CDH6: variants seen among roughly 807,000 people sequenced by gnomAD.
CDH6 encodes cadherin 6.
Under a neutral mutation model 78.0 loss-of-function variants are expected in CDH6, and 31 were observed. The ratio of observed to expected loss-of-function variants is 0.40; its 90% CI spans 0.30 to 0.54. CDH6 has a LOEUF of 0.54. Ranked by LOEUF, CDH6 falls within the 20% of genes least tolerant of loss-of-function variation. The pLI, the probability that CDH6 is intolerant of heterozygous loss-of-function variation, is 0.56. For synonymous variants in CDH6, 376 were observed against 368.8 expected (o/e 1.02, Z -0.23); for missense variants, 724 against 975.9 (o/e 0.74, Z 3.44).
At chr5:31,269,790 G>C (rs115177796) in intron 2 of CDH6, among the ~76,000 whole-genome samples, 1 of 152,248 alleles carries the variant, frequency 6.6e-6, no homozygotes, top group African/African-American at 2.4e-5. Context: ...TATTTTATGG[G>C]CAGCTAGATA....
At position 31,263,683 on chromosome 5, in the gene CDH6, C is replaced by T. The variant is rs188954047; in HGVS notation, c.-128-3663C>T. ...AATCCATTCATGAGGGCAGAAAGAA[C>T]CCTCACAATCCAATCATGTTTTAAA... On this transcript the variant is annotated intron_variant, in intron 1 of 11. Transcript: ENST00000265071. Among the ~76,000 whole-genome samples the T allele has an allele frequency of 3.9e-3, 597 of 152,206 alleles. 6 individuals carry two copies. Among genetic ancestry groups the T allele is most frequent in the African/African-American group, 0.014 (575 of 41,530 alleles).
chr5:31,239,062 T>C (rs984115916), intron 1 of CDH6, among the ~76,000 whole-genome samples: 3 of 152,246 alleles, frequency 2.0e-5, no homozygotes, highest in Non-Finnish European at 4.4e-5. Flanking sequence ...GGGCATCTAT[T>C]TCAATGTATC....
intron 1 of CDH6, among the ~76,000 whole-genome samples, chr5:31,221,036 A>G (rs371825441): frequency 1.3e-5 from 2 of 152,146 alleles, no homozygotes; most frequent in Admixed American, 6.5e-5. Flanking sequence ...TTCAGGGGGG[A>G]GACATTTAAA....
At chr5:31,292,093 C>T (rs1743182268) in intron 2 of CDH6, among the ~76,000 whole-genome samples, 2 of 152,172 alleles carry the variant, frequency 1.3e-5, no homozygotes, top group South Asian at 4.1e-4. Context: ...AGACTCTTTT[C>T]CCATGAGCTG....
At chr5:31,263,563 A>T (rs919359061) in intron 1 of CDH6, among the ~76,000 whole-genome samples, 8 of 150,578 alleles carry the variant, frequency 5.3e-5, no homozygotes, top group African/African-American at 1.5e-4. Flanking sequence ...AATTACAGGC[A>T]TGAGCCACTG....
chr5:31,264,730 A>T (rs1160919849), intron 1 of CDH6, among the ~76,000 whole-genome samples: 1 of 152,222 alleles, frequency 6.6e-6, no homozygotes, highest in Non-Finnish European at 1.5e-5. Flanking sequence ...GCAAGGATGC[A>T]CCCTGTCAAG....
intron 2 of CDH6, among the ~76,000 whole-genome samples, chr5:31,278,136 G>A (rs1742750330): frequency 6.6e-6 from 1 of 152,098 alleles, no homozygotes; most frequent in African/African-American, 2.4e-5. Flanking sequence ...TTGATGCAAT[G>A]GTTTGATATG....
chr5:31,249,040 T>G (rs948427834), intron 1 of CDH6, among the ~76,000 whole-genome samples: 4 of 152,196 alleles, frequency 2.6e-5, no homozygotes, highest in Non-Finnish European at 5.9e-5. Context: ...ATAATAATGA[T>G]GTGAGGTTAT....
intron 7 of CDH6, among the ~76,000 whole-genome samples, chr5:31,307,515 T>G (rs1489726148): frequency 6.6e-6 from 1 of 152,220 alleles, no homozygotes; most frequent in Non-Finnish European, 1.5e-5. Flanking sequence ...GTGAGCTCCA[T>G]GGACCAAGTG....
chr5:31,266,352 A>G (rs1182719904), intron 1 of CDH6, among the ~76,000 whole-genome samples: 3 of 152,148 alleles, frequency 2.0e-5, no homozygotes, highest in Non-Finnish European at 4.4e-5. Flanking sequence ...TACAGTTCTT[A>G]CAGTTGATGG....
intron 1 of CDH6, among the ~76,000 whole-genome samples, chr5:31,236,285 C>T (rs746256765): frequency 1.4e-4 from 21 of 152,140 alleles, no homozygotes; most frequent in Non-Finnish European, 2.6e-4. Flanking sequence ...CAATTATCCT[C>T]ATTGTACTCT....
intron 6 of CDH6, among the ~76,000 whole-genome samples, chr5:31,302,947 GAAAGAAAGAAGGAAAGA>G (rs1561066507): frequency 3.8e-5 from 5 of 129,912 alleles, no homozygotes; most frequent in Non-Finnish European, 6.9e-5. Flanking sequence ...AAGAAAGAAA[GAAAGAAAGAAGGAAAGA>G]AAAGAAAGAA....
chr5:31,205,443 A>G (rs1275323619), intron 1 of CDH6, among the ~76,000 whole-genome samples: 1 of 152,180 alleles, frequency 6.6e-6, no homozygotes, highest in Non-Finnish European at 1.5e-5. Flanking sequence ...CAGGCGTTTT[A>G]TTAAGGTTGG....
chr5:31,305,112 T>C, intron 6 of CDH6, 62 bp from the exon 7 acceptor site: 6 of 1,537,478 alleles, frequency 3.9e-6, no homozygotes, highest in Non-Finnish European at 5.3e-6. Flanking sequence ...GTTTCGTGTC[T>C]TGGCTTTCTG....
rs915286019 is a variant in CDH6 at position 31,302,078 on chromosome 5, A to G, written c.812-33A>G. Reference sequence around the variant, plus strand: ...ATGATGATAAGAGTGTGGTTAGTCTATGTTTGACTTATATCTGTCTGGTGA... The same window carrying G: ...ATGATGATAAGAGTGTGGTTAGTCTGTGTTTGACTTATATCTGTCTGGTGA... On this transcript the variant is annotated intron_variant, in intron 5 of 11. Coordinates refer to ENST00000265071, the MANE Select transcript of CDH6 (RefSeq NM_004932.4). 3.4e-6 allele frequency: 5 copies of G among 1,482,008 alleles called. No homozygotes were observed. In the Admixed American group the frequency reaches 5.3e-5, roughly 16 times the overall value. The allele number at this position is 1,482,008 out of a possible 1,614,324, so 91.8% of individuals were successfully genotyped here. A position where few individuals can be genotyped will look rare whatever the true frequency, so the allele number is the denominator to read the frequency against.
At chr5:31,232,731 T>A (rs1741346245) in intron 1 of CDH6, among the ~76,000 whole-genome samples, 1 of 152,238 alleles carries the variant, frequency 6.6e-6, no homozygotes, top group Admixed American at 6.5e-5. Flanking sequence ...CTTGGAATTA[T>A]TAATTACAAT....
At chr5:31,264,518 T>G (rs1309580040) in intron 1 of CDH6, among the ~76,000 whole-genome samples, 1 of 152,188 alleles carries the variant, frequency 6.6e-6, no homozygotes, top group Non-Finnish European at 1.5e-5. Flanking sequence ...ACCCCAGCAC[T>G]GTTGATCATA....
intron 2 of CDH6, among the ~76,000 whole-genome samples, chr5:31,272,699 C>G (rs562423183): frequency 7.9e-5 from 12 of 152,336 alleles, no homozygotes; most frequent in African/African-American, 2.9e-4. Flanking sequence ...TCCATTTTAT[C>G]TTCCACAATG....
chr5:31,248,799 C>T (rs1290566474), intron 1 of CDH6, among the ~76,000 whole-genome samples: 2 of 152,250 alleles, frequency 1.3e-5, no homozygotes, highest in South Asian at 2.1e-4. Context: ...CATGCATTGT[C>T]TCTAGAAAAG....
Sources: allele counts gnomAD v4.1 joint callset (sites outside exome capture counted in the v4.1 genomes callset), GRCh38; gene constraint gnomAD v4.1.1; transcripts MANE v1.5; gene names NCBI Gene and HGNC (gene_info 2026-07-23, HGNC 2026-07-21).